CUEDC1: variants seen among roughly 807,000 people sequenced by gnomAD.
The protein encoded by CUEDC1 is CUE domain-containing protein 1.
CUEDC1 carries 30 observed loss-of-function variants against 43.7 expected under a neutral mutation model. The ratio of observed to expected loss-of-function variants is 0.69; its 90% CI spans 0.51 to 0.93. The LOEUF (loss-of-function observed/expected upper bound fraction) is 0.93. CUEDC1 is among the 40% of genes least tolerant of loss of function. The pLI, the probability that CUEDC1 is intolerant of heterozygous loss-of-function variation, is 0.00. For missense variants in CUEDC1, 486 were observed against 549.0 expected (o/e 0.89, Z 1.15); for synonymous variants, 223 against 223.6 (o/e 1.00, Z 0.02).
chr17:57,882,982 AT>A (rs1313185844), intron 2 of CUEDC1, among the ~76,000 whole-genome samples: 1 of 152,120 alleles, frequency 6.6e-6, no homozygotes, highest in African/African-American at 2.4e-5. Context: ...CAAGGGGAGG[AT>A]TCACTGCCCC....
chr17:57,873,731 G>T lies in CUEDC1; in HGVS notation c.465-14C>A. 1 of 1,555,274 alleles carries T rather than the reference G, an allele frequency of 6.4e-7. No homozygotes were observed. Among genetic ancestry groups the T allele is most frequent in the South Asian group, 1.2e-5 (1 of 84,286 alleles). On this transcript the variant is annotated splice_polypyrimidine_tract_variant and intron_variant, in intron 3 of 10. Coordinates refer to ENST00000577830, the MANE Select transcript of CUEDC1 (RefSeq NM_001271875.2). ...AGCGCGTCGATACTAGGGGATGGCA[G>T]GTGACAGGGAAGAGGAAGTCATTAA...
chr17:57,942,714 T>A (rs2074927725), intron 1 of CUEDC1, among the ~76,000 whole-genome samples: 3 of 151,534 alleles, frequency 2.0e-5, no homozygotes, highest in Admixed American at 2.0e-4. Context: ...ATGAGATGAA[T>A]TTTTATGTTA....
At chr17:57,890,461 G>A (rs1021213201) in intron 1 of CUEDC1, among the ~76,000 whole-genome samples, 4 of 152,178 alleles carry the variant, frequency 2.6e-5, no homozygotes, top group African/African-American at 9.7e-5. Flanking sequence ...TTCTGAAAAA[G>A]GAAGCAAACA....
chr17:57,928,840 G>A (rs999088078), intron 1 of CUEDC1, among the ~76,000 whole-genome samples: 1 of 151,596 alleles, frequency 6.6e-6, no homozygotes, highest in Non-Finnish European at 1.5e-5. Flanking sequence ...TTAAGAGTCA[G>A]GTCCTGTGGG....
At chr17:57,906,506 G>C (rs2074530955) in intron 1 of CUEDC1, among the ~76,000 whole-genome samples, 1 of 152,204 alleles carries the variant, frequency 6.6e-6, no homozygotes, top group African/African-American at 2.4e-5. Context: ...GTTTCTGTTT[G>C]GGATGATAAA....
rs2073894159 is a variant in CUEDC1 at position 57,862,466 on chromosome 17, G to A, written c.*823C>T. On this transcript the variant is annotated 3_prime_UTR_variant, in exon 11 of 11. Coordinates refer to ENST00000577830, the MANE Select transcript of CUEDC1 (RefSeq NM_001271875.2). ...GAGCCCCTACTGTGGTGTGACTCCA[G>A]AACTGGCTTTTGTCTGCTGCCAAAT... The A allele has an allele frequency of 6.6e-6, 1 of 152,402 alleles. No homozygotes were observed. The highest frequency in any genetic ancestry group is 6.5e-5 in the Admixed American group (1 of 15,290). The allele number at this position is 152,402 out of a possible 1,614,324, so 9.4% of individuals were successfully genotyped here.
chr17:57,919,969 C>T (rs1276058386), intron 1 of CUEDC1, among the ~76,000 whole-genome samples: 1 of 152,174 alleles, frequency 6.6e-6, no homozygotes, highest in African/African-American at 2.4e-5. Context: ...ATTTATCGAG[C>T]GCTCACTATG....
chr17:57,902,677 T>C (rs1310924760), intron 1 of CUEDC1, among the ~76,000 whole-genome samples: 1 of 152,234 alleles, frequency 6.6e-6, no homozygotes, highest in Admixed American at 6.5e-5. Flanking sequence ...ACACTGACTG[T>C]CCACAATGAT....
At chr17:57,870,875 G>T (rs1450876673) in intron 6 of CUEDC1, among the ~76,000 whole-genome samples, 1 of 152,074 alleles carries the variant, frequency 6.6e-6, no homozygotes, top group Non-Finnish European at 1.5e-5. Context: ...AGATAGGGGG[G>T]TCTCATTTTG....
chr17:57,929,964 G>A (rs897292572), intron 1 of CUEDC1, among the ~76,000 whole-genome samples: 35 of 152,242 alleles, frequency 2.3e-4, no homozygotes, highest in African/African-American at 7.7e-4. Context: ...ACCACGCCCA[G>A]CAAATTTTTT....
intron 2 of CUEDC1, among the ~76,000 whole-genome samples, chr17:57,880,478 G>C (rs986153560): frequency 3.9e-5 from 6 of 152,298 alleles, no homozygotes; most frequent in South Asian, 2.1e-4. Context: ...TCAGGGCGGA[G>C]AGTAGCAAGG....
rs1568022583 is a variant in CUEDC1 at position 57,862,313 on chromosome 17, C to CTTT, written c.*975_*976insAAA. The CTTT allele has an allele frequency of 6.5e-6, 1 of 152,994 alleles. No individual in the cohort carries two copies. The highest frequency in any genetic ancestry group is 1.5e-5 in the Non-Finnish European group (1 of 68,692). 9.5% of individuals were successfully genotyped at this position (152,994 alleles called of 1,614,324 possible). ...AAGCCCTTATGCCCTAGGCGCTCAC[C>CTTT]CAGGCTGGCGGCCTTTCCGCCTTGC... On this transcript the variant is annotated 3_prime_UTR_variant, in exon 11 of 11. Coordinates refer to ENST00000577830, the MANE Select transcript of CUEDC1 (RefSeq NM_001271875.2).
intron 9 of CUEDC1, chr17:57,867,105 T>C: frequency 1.7e-6 from 1 of 573,684 alleles, no homozygotes; most frequent in Non-Finnish European, 3.1e-6. Context: ...CCAGAAACAG[T>C]ACCTGGCACT....
intron 10 of CUEDC1, among the ~76,000 whole-genome samples, chr17:57,863,591 T>C (rs1194652128): frequency 6.6e-6 from 1 of 152,136 alleles, no homozygotes; most frequent in African/African-American, 2.4e-5. Context: ...ACCTGGCCCA[T>C]TCTAATACGT....
At position 57,884,176 on chromosome 17, in the gene CUEDC1, G is replaced by A. The variant is rs548750946; in HGVS notation, c.336+1053C>T. Among the ~76,000 whole-genome samples, 15 of 148,530 alleles carry A rather than the reference G, an allele frequency of 1.0e-4. No individual in the cohort carries two copies. The South Asian group carries it at 2.4e-3, about 23-fold the overall frequency. Reference sequence around the variant, plus strand: ...GTGGCTATGCTCCCAGGATACAGCCGCACTCTTTTTCTTTTCTTTTTTTTT... The same window carrying A: ...GTGGCTATGCTCCCAGGATACAGCCACACTCTTTTTCTTTTCTTTTTTTTT... On this transcript the variant is annotated intron_variant, in intron 2 of 10. Coordinates refer to ENST00000577830, the MANE Select transcript of CUEDC1 (RefSeq NM_001271875.2).
intron 1 of CUEDC1, among the ~76,000 whole-genome samples, chr17:57,908,889 C>T (rs537836837): frequency 2.2e-4 from 33 of 152,156 alleles, no homozygotes; most frequent in Admixed American, 3.9e-4. Context: ...CCCAGCTACT[C>T]GAGAGGCTGA....
At chr17:57,874,855 C>A (rs1438419873) in intron 3 of CUEDC1, among the ~76,000 whole-genome samples, 1 of 151,990 alleles carries the variant, frequency 6.6e-6, no homozygotes, top group African/African-American at 2.4e-5. Flanking sequence ...GGGCGGGTGG[C>A]CGGCGGCGGG....
intron 2 of CUEDC1, among the ~76,000 whole-genome samples, chr17:57,884,198 T>C (rs1009599566): frequency 1.0e-3 from 141 of 139,022 alleles, no homozygotes; most frequent in South Asian, 7.4e-3. Flanking sequence ...TTTTCTTTTT[T>C]TTTTTTTTTT....
At chr17:57,927,301 TC>T (rs145546683) in intron 1 of CUEDC1, among the ~76,000 whole-genome samples, 2,292 of 141,408 alleles carry the variant, frequency 0.016, 25 homozygotes, top group Non-Finnish European at 0.022. Flanking sequence ...TCCTCCCCAC[TC>T]CCCCCGGGAG....
Sources: allele counts gnomAD v4.1 joint callset (sites outside exome capture counted in the v4.1 genomes callset), GRCh38; gene constraint gnomAD v4.1.1; transcripts MANE v1.5; gene names NCBI Gene and HGNC (gene_info 2026-07-23, HGNC 2026-07-21).